The following C16orf74 variants were observed in gnomAD, a reference collection of about 807,000 sequenced individuals.
C16orf74 encodes the protein uncharacterized protein C16orf74.
Under a neutral mutation model 6.5 loss-of-function variants are expected in C16orf74, and 10 were observed. The ratio of observed to expected loss-of-function variants is 1.54; its 90% CI spans 0.95 to 2.61. The LOEUF (loss-of-function observed/expected upper bound fraction) is 2.61. Ranked by LOEUF, C16orf74 falls within the 30% of genes most tolerant of loss-of-function variation. The pLI is 0.00. For synonymous variants in C16orf74, 60 were observed against 42.5 expected (o/e 1.41, Z -1.60); for missense variants, 141 against 105.9 (o/e 1.33, Z -1.45).
chr16:85,719,994 C>T (rs1367038818), intron 2 of C16orf74, among the ~76,000 whole-genome samples: 1 of 151,974 alleles, frequency 6.6e-6, no homozygotes. Flanking sequence ...GGATTTAGTG[C>T]AGGTCTTTCA....
Position 85,707,526 on chromosome 16 carries a change from G to C in C16orf74, c.*482C>G, listed in dbSNP as rs1482472086. ...AAAAAAGGATTCACTATTTGTTACAGAGGATCTTTATTTATAATGCAAAAA... is the reference window on the plus strand; with the variant it reads ...AAAAAAGGATTCACTATTTGTTACACAGGATCTTTATTTATAATGCAAAAA... On this transcript the variant is annotated 3_prime_UTR_variant, in exon 4 of 4. Coordinates refer to ENST00000284245, the MANE Select transcript of C16orf74 (RefSeq NM_206967.3). The C allele has an allele frequency of 1.3e-5, 2 of 152,072 alleles. No individual in the cohort carries two copies. Among genetic ancestry groups the C allele is most frequent in the African/African-American group, 2.4e-5 (1 of 41,198 alleles). The allele number at this position is 152,072 out of a possible 1,614,324, so 9.4% of individuals were successfully genotyped here.
intron 2 of C16orf74, among the ~76,000 whole-genome samples, chr16:85,726,399 C>T (rs929763257): frequency 2.0e-5 from 3 of 150,198 alleles, no homozygotes; most frequent in East Asian, 3.8e-4. Context: ...GGAACCAGCA[C>T]CATGGAACAG....
At chr16:85,735,059 C>G (rs769270915) in intron 2 of C16orf74, 131 bp downstream of exon 2, 14 of 666,040 alleles carry the variant, frequency 2.1e-5, no homozygotes, top group South Asian at 9.3e-5. Flanking sequence ...CTGCTGTGTA[C>G]AGGACTGCTT....
intron 1 of C16orf74, among the ~76,000 whole-genome samples, chr16:85,738,728 C>T (rs967224934): frequency 6.6e-6 from 1 of 151,798 alleles, no homozygotes; most frequent in African/African-American, 2.4e-5. Flanking sequence ...AGGAGTGGGG[C>T]TGGGGCTGAG....
intron 1 of C16orf74, among the ~76,000 whole-genome samples, chr16:85,747,884 A>G (rs939846423): frequency 1.3e-5 from 2 of 151,984 alleles, no homozygotes; most frequent in Admixed American, 1.3e-4. Context: ...TCAGCAGTTC[A>G]AGACCAGCCT....
intron 3 of C16orf74, among the ~76,000 whole-genome samples, chr16:85,708,875 T>TC (rs1005518509): frequency 9.2e-5 from 14 of 152,214 alleles, no homozygotes; most frequent in African/African-American, 2.9e-4. Context: ...GGGTGCCTTG[T>TC]CCCCTGCATG....
chr16:85,745,608 T>C (rs1173167846), intron 1 of C16orf74, among the ~76,000 whole-genome samples: 1 of 149,824 alleles, frequency 6.7e-6, no homozygotes, highest in Non-Finnish European at 1.5e-5. Flanking sequence ...TGAGGGACCC[T>C]GCTCACTGCC....
chr16:85,736,034 G>A (rs918243197), intron 1 of C16orf74, among the ~76,000 whole-genome samples: 2 of 152,162 alleles, frequency 1.3e-5, no homozygotes, highest in African/African-American at 2.4e-5. Flanking sequence ...ACCCAGGACT[G>A]TCCTAATCCC....
chr16:85,729,960 C>T (rs565581377), intron 2 of C16orf74, among the ~76,000 whole-genome samples: 12 of 152,150 alleles, frequency 7.9e-5, no homozygotes, highest in African/African-American at 2.9e-4. Context: ...CGGACAGTCA[C>T]GCACGGTAGA....
chr16:85,708,226 G>A (rs754632559), intron 3 of C16orf74, among the ~76,000 whole-genome samples, 160 bp from the exon 4 acceptor site: 1 of 152,178 alleles, frequency 6.6e-6, no homozygotes, highest in African/African-American at 2.4e-5. Flanking sequence ...GGATCCTTCT[G>A]GGTGAATCGG....
chr16:85,744,758 A>G (rs930814941), intron 1 of C16orf74, among the ~76,000 whole-genome samples: 2 of 142,962 alleles, frequency 1.4e-5, no homozygotes, highest in African/African-American at 2.6e-5. Flanking sequence ...TCAGCCCACG[A>G]GGCAGAGCTT....
intron 2 of C16orf74, among the ~76,000 whole-genome samples, chr16:85,734,840 G>A (rs544172171): frequency 6.6e-6 from 1 of 152,290 alleles, no homozygotes; most frequent in South Asian, 2.1e-4. Context: ...AACAGGCCCC[G>A]GGTGTGTCCT....
intron 1 of C16orf74, among the ~76,000 whole-genome samples, chr16:85,739,080 T>A (rs1035517697): frequency 1.3e-5 from 2 of 152,108 alleles, no homozygotes; most frequent in African/African-American, 4.8e-5. Flanking sequence ...GCAGACCTCA[T>A]CTCCATCCCT....
At position 85,710,273 on chromosome 16, in the gene C16orf74, G is replaced by C. The variant is rs1268988148; in HGVS notation, c.63C>G (p.Ser21Arg). The stretch of plus-strand genomic sequence containing the variant: ...CGTTCAGGACGGGGGCCTCGTCGTG[G>C]CTGCTGCTGCTGCTGCTGACACACA... ...FQMCVSSSSS[S>R]HDEAPVLNDK... Residue 21 changes from serine (S) to arginine (R), a missense_variant, in exon 3 of 4, where the codon AGC becomes AGG. By Grantham distance (110) the Ser-to-Arg change is moderately radical. Coordinates refer to ENST00000284245, the MANE Select transcript of C16orf74 (RefSeq NM_206967.3). 7.1e-7 allele frequency: 1 copy of C among 1,402,242 alleles called. No individual in the cohort carries two copies. Among genetic ancestry groups the C allele is most frequent in the Middle Eastern group, 1.8e-4 (1 of 5,412 alleles). The allele number at this position is 1,402,242 out of a possible 1,614,324, so 86.9% of individuals were successfully genotyped here.
intron 2 of C16orf74, among the ~76,000 whole-genome samples, chr16:85,711,005 G>GT (rs2053963928): frequency 1.3e-5 from 2 of 152,196 alleles, no homozygotes; most frequent in Admixed American, 6.5e-5. Context: ...GACAGAGTAA[G>GT]TAGGAGTGCT....
intron 2 of C16orf74, among the ~76,000 whole-genome samples, chr16:85,716,855 T>C (rs1462100829): frequency 6.6e-6 from 1 of 152,102 alleles, no homozygotes; most frequent in African/African-American, 2.4e-5. Context: ...AAAAACCAAA[T>C]GCCAGCCCTG....
chr16:85,732,731 T>C (rs1326240664), intron 2 of C16orf74, among the ~76,000 whole-genome samples: 4 of 137,090 alleles, frequency 2.9e-5, no homozygotes, highest in African/African-American at 1.1e-4. Context: ...GTCACCCCCA[T>C]GCTTGTGTGG....
intron 1 of C16orf74, among the ~76,000 whole-genome samples, chr16:85,737,409 C>A (rs879883655): frequency 1.3e-5 from 2 of 152,174 alleles, no homozygotes; most frequent in South Asian, 2.1e-4. Flanking sequence ...TTACAAAATA[C>A]CTTTTCTTCC....
intron 2 of C16orf74, among the ~76,000 whole-genome samples, chr16:85,717,313 C>A (rs2054035415): frequency 6.6e-6 from 1 of 152,230 alleles, no homozygotes; most frequent in Non-Finnish European, 1.5e-5. Context: ...AAGTTAACAT[C>A]ACCTATCCAG....
Sources: gnomAD v4.1 joint callset for allele counts (sites outside exome capture counted in the v4.1 genomes callset) on GRCh38, gnomAD v4.1.1 for gene constraint, MANE v1.5 for transcripts, NCBI Gene and HGNC (gene_info 2026-07-23, HGNC 2026-07-21) for gene names.